Variants in LMX1A observed in about 807,000 individuals in gnomAD.
LMX1A encodes the protein LIM homeobox transcription factor 1-alpha.
LMX1A carries 15 observed loss-of-function variants against 49.1 expected under a neutral mutation model. The observed-to-expected ratio is 0.31, with a 90% CI of 0.20 to 0.47. LMX1A has a LOEUF of 0.47. Among genes scored for constraint, LMX1A ranks in the 20% least tolerant of loss-of-function variants. The probability of loss-of-function intolerance (pLI) is 1.00; values close to 1 mark genes in which losing one functional copy is unlikely to be tolerated. For missense variants in LMX1A, 372 were observed against 475.8 expected (o/e 0.78, Z 2.03); for synonymous variants, 167 against 185.7 (o/e 0.90, Z 0.82).
intron 3 of LMX1A, among the ~76,000 whole-genome samples, chr1:165,255,223 G>C (rs1653195459): frequency 6.6e-6 from 1 of 152,220 alleles, no homozygotes; most frequent in Non-Finnish European, 1.5e-5. Context: ...TATGCGCTTA[G>C]CTTAGGCTAA....
chr1:165,258,162 A>G (rs1022554980), intron 3 of LMX1A, among the ~76,000 whole-genome samples: 6 of 152,250 alleles, frequency 3.9e-5, no homozygotes, highest in Admixed American at 6.5e-5. Flanking sequence ...TGACTTGGTA[A>G]CTGAGGTCAT....
chr1:165,223,699 C>G (rs556091460), intron 4 of LMX1A, among the ~76,000 whole-genome samples: 1 of 152,030 alleles, frequency 6.6e-6, no homozygotes, highest in East Asian at 1.9e-4. Flanking sequence ...ATCTCAAATA[C>G]TTTAGTTACT....
intron 4 of LMX1A, among the ~76,000 whole-genome samples, chr1:165,234,526 T>C (rs1463244933): frequency 2.0e-5 from 3 of 152,128 alleles, no homozygotes; most frequent in Non-Finnish European, 4.4e-5. Flanking sequence ...AAAAGAGAGG[T>C]GGTTTCCATT....
At chr1:165,305,509 C>A (rs77674343) in intron 3 of LMX1A, among the ~76,000 whole-genome samples, 2,575 of 152,194 alleles carry the variant, frequency 0.017, 43 homozygotes, top group Non-Finnish European at 0.023. Flanking sequence ...ATAAACCTCT[C>A]CACTCAGGGC....
chr1:165,291,222 A>G (rs1207797784), intron 3 of LMX1A, among the ~76,000 whole-genome samples: 1 of 152,224 alleles, frequency 6.6e-6, no homozygotes, highest in Non-Finnish European at 1.5e-5. Context: ...TCTGGTCTAG[A>G]GCACTGTCCT....
intron 4 of LMX1A, among the ~76,000 whole-genome samples, chr1:165,228,096 T>C (rs1652101235): frequency 6.6e-6 from 1 of 152,228 alleles, no homozygotes; most frequent in African/African-American, 2.4e-5. Flanking sequence ...AAGTAAAGCA[T>C]GATCTAAGTC....
At chr1:165,332,521 G>A (rs1655778343) in intron 3 of LMX1A, among the ~76,000 whole-genome samples, 1 of 152,086 alleles carries the variant, frequency 6.6e-6, no homozygotes, top group South Asian at 2.1e-4. Context: ...ACATGTATAT[G>A]AGTATATGCA....
Position 165,213,760 on chromosome 1 carries a change from C to T in LMX1A, c.550G>A (p.Gly184Arg). ...TGGTCCTTGCCTTCCTCAGCAGTTCCTTTCCCTGCCCCATGGGCTGACTTG... is the reference window on the plus strand; with the variant it reads ...TGGTCCTTGCCTTCCTCAGCAGTTCTTTTCCCTGCCCCATGGGCTGACTTG... ...LCKSAHGAGK[G>R]TAEEGKDHKR... The change falls in exon 5 of 9, where the codon GGA becomes AGA. Residue 184 changes from glycine (G) to arginine (R), a missense_variant. Gly to Arg is a moderately radical substitution (Grantham distance 125, BLOSUM62 -2). This residue lies in a region of LMX1A where 199 missense variants were observed against 244.0 expected (regional missense o/e 0.82). Transcript: ENST00000342310. The T allele has an allele frequency of 6.2e-7, 1 of 1,614,224 alleles. No individual in the cohort carries two copies. The highest frequency in any genetic ancestry group is 1.1e-5 in the South Asian group (1 of 91,074).
intron 2 of LMX1A, among the ~76,000 whole-genome samples, chr1:165,353,650 T>C (rs901902648): frequency 6.6e-6 from 1 of 152,238 alleles, no homozygotes; most frequent in Non-Finnish European, 1.5e-5. Context: ...TACTGACTGT[T>C]TTAAAAACTG....
intron 3 of LMX1A, among the ~76,000 whole-genome samples, chr1:165,272,250 C>T (rs1192329971): frequency 2.0e-5 from 3 of 152,170 alleles, no homozygotes; most frequent in African/African-American, 7.2e-5. Flanking sequence ...GCCAAATCCT[C>T]ACTGCCTATC....
chr1:165,355,921 G>A lies in LMX1A; in HGVS notation c.-22-340C>T. On this transcript the variant is annotated intron_variant, in intron 1 of 8. Transcript: ENST00000342310. This position sits in a 1 kb window ranked among gnomAD's most constrained non-coding sequence, Gnocchi z 4.7. ...CTCCGCCCCAACCTATACGAAGGTGGGCCCTCGGGACGTCTCTGCAGGAAC... is the reference window on the plus strand; with the variant it reads ...CTCCGCCCCAACCTATACGAAGGTGAGCCCTCGGGACGTCTCTGCAGGAAC... The A allele has an allele frequency of 3.6e-6, 1 of 276,060 alleles. No homozygotes were observed. The highest frequency in any genetic ancestry group is 6.9e-6 in the Non-Finnish European group (1 of 145,034). 17.1% of individuals were successfully genotyped at this position (276,060 alleles called of 1,614,324 possible).
chr1:165,241,356 C>G (rs1652646705), intron 4 of LMX1A, among the ~76,000 whole-genome samples: 1 of 152,196 alleles, frequency 6.6e-6, no homozygotes, highest in Admixed American at 6.5e-5. Flanking sequence ...TACACTGGCT[C>G]TCACACTAGG....
At chr1:165,205,740 G>C in intron 8 of LMX1A, 124 bp downstream of exon 8, 1 of 858,414 alleles carries the variant, frequency 1.2e-6, no homozygotes, top group South Asian at 1.7e-5. Context: ...GCAGTATTTT[G>C]TAGGGCACAT....
chr1:165,213,509 G>T (rs74678183), intron 5 of LMX1A, 132 bp downstream of exon 5: 6 of 809,004 alleles, frequency 7.4e-6, no homozygotes, highest in Middle Eastern at 3.8e-4. Context: ...GGCTTGAGCC[G>T]CCTGTGCAGG....
chr1:165,328,296 C>T (rs71628376), intron 3 of LMX1A, among the ~76,000 whole-genome samples: 11,319 of 152,232 alleles, frequency 0.074, 610 homozygotes, highest in South Asian at 0.2. Context: ...TAGCATGTGA[C>T]ATAAACAGAT....
At chr1:165,209,157 C>T (rs1651253617) in intron 6 of LMX1A, among the ~76,000 whole-genome samples, 1 of 152,200 alleles carries the variant, frequency 6.6e-6, no homozygotes, top group African/African-American at 2.4e-5. Flanking sequence ...AGGGCCTCTG[C>T]AACTTATTGC....
chr1:165,226,988 A>G (rs1038888802), intron 4 of LMX1A, among the ~76,000 whole-genome samples: 2 of 152,214 alleles, frequency 1.3e-5, no homozygotes, highest in African/African-American at 2.4e-5. Flanking sequence ...AGGCCTTTAC[A>G]AGACAGGCTA....
At chr1:165,258,796 C>T (rs1653335381) in intron 3 of LMX1A, among the ~76,000 whole-genome samples, 1 of 152,178 alleles carries the variant, frequency 6.6e-6, no homozygotes, top group Non-Finnish European at 1.5e-5. Context: ...GTGTCCATTC[C>T]AGAATCAGCA....
chr1:165,309,213 C>T (rs1235106666), intron 3 of LMX1A, among the ~76,000 whole-genome samples: 1 of 152,024 alleles, frequency 6.6e-6, no homozygotes, highest in Admixed American at 6.5e-5. Flanking sequence ...GCTGCACGCT[C>T]CCCACCCCCA....
Sources: allele counts gnomAD v4.1 joint callset (sites outside exome capture counted in the v4.1 genomes callset), GRCh38; gene constraint gnomAD v4.1.1; regional missense constraint gnomAD v4.1.1; non-coding constraint Gnocchi (gnomAD v3.1); transcripts MANE v1.5; gene names NCBI Gene and HGNC (gene_info 2026-07-23, HGNC 2026-07-21).